Variants in TRIOBP observed in about 807,000 individuals in gnomAD.
The protein encoded by TRIOBP is TRIO and F-actin-binding protein.
A neutral mutation model predicts 238.8 loss-of-function variants in TRIOBP; 169 were observed. The ratio of observed to expected loss-of-function variants is 0.71; its 90% confidence interval spans 0.62 to 0.80. TRIOBP has a LOEUF of 0.80. Among genes scored for constraint, TRIOBP ranks in the 30% least tolerant of loss-of-function variants. The probability of loss-of-function intolerance (pLI) is 0.00; values close to 1 mark genes in which losing one functional copy is unlikely to be tolerated. For missense variants in TRIOBP, 2,838 were observed against 3,122.6 expected (o/e 0.91, Z 2.17); for synonymous variants, 1,150 against 1,274.4 (o/e 0.90, Z 2.08).
intron 11 of TRIOBP, 166 bp from the exon 12 acceptor site, chr22:37,751,606 C>A: frequency 1.4e-6 from 1 of 698,930 alleles, no homozygotes; most frequent in Non-Finnish European, 2.5e-6. Flanking sequence ...GGCTGGGAGG[C>A]CTGCTTGGAC....
intron 17 of TRIOBP, among the ~76,000 whole-genome samples, chr22:37,765,282 A>G (rs190316651): frequency 1.3e-5 from 2 of 150,582 alleles, no homozygotes; most frequent in Admixed American, 1.4e-4. Flanking sequence ...TCTGTCTCAA[A>G]AACAAAAACA....
chr22:37,740,895 G>A lies in TRIOBP; in HGVS notation c.5185G>A (p.Ala1729Thr). 1 of 1,571,716 alleles carries A rather than the reference G, an allele frequency of 6.4e-7. No individual in the cohort carries two copies. The highest frequency in any genetic ancestry group is 1.9e-5 in the Admixed American group (1 of 52,366). ...PLTDQKQADS[A>T]DKRPAEGKAG... ...GCCAACACTGGACCCTGTTTGACAGGCAGACAAGAGGCCAGCAGAGGGCAA... is the reference window on the plus strand; with the variant it reads ...GCCAACACTGGACCCTGTTTGACAGACAGACAAGAGGCCAGCAGAGGGCAA... The change falls in exon 11 of 24, where the codon GCA becomes ACA. Residue 1729 changes from alanine to threonine, a missense_variant and splice_region_variant. By Grantham distance (58) the Ala-to-Thr change is moderately conservative (BLOSUM62 0). This residue lies in a region of TRIOBP where 2,096 missense variants were observed against 2,137.4 expected (regional missense o/e 0.98). Transcript: ENST00000644935.
Position 37,734,911 on chromosome 22 carries a change from C to T in TRIOBP, c.4575C>T (p.Ser1525=). Residue 1525 remains serine (S), a synonymous_variant, in exon 9 of 24, where the codon TCC becomes TCT. Coordinates refer to ENST00000644935, the MANE Select transcript of TRIOBP (RefSeq NM_001039141.3). ...AGAACTGGGGAGGCCCCGCAGAGTCCTCACAATCCTGGCACTCTGGGACAC... is the reference window on the plus strand; with the variant it reads ...AGAACTGGGGAGGCCCCGCAGAGTCTTCACAATCCTGGCACTCTGGGACAC... ...PPENWGGPAE[S]SQSWHSGTPT... The T allele has an allele frequency of 6.2e-7, 1 of 1,613,310 alleles. No homozygotes were observed. The highest frequency in any genetic ancestry group is 8.5e-7 in the Non-Finnish European group (1 of 1,180,006).
intron 2 of TRIOBP, 125 bp from the exon 3 acceptor site, chr22:37,701,181 C>T: frequency 1.7e-6 from 1 of 588,066 alleles, no homozygotes; most frequent in South Asian, 1.8e-5. Context: ...GAACAGGAAC[C>T]CAAAGGAATG....
In TRIOBP at chr22:37,715,623, G is replaced by A. The variant is rs1045650413; in HGVS notation, c.457-140G>A. 4.2e-5 allele frequency: 40 copies of A among 961,496 alleles called. 1 individual carries two copies. The highest frequency in any genetic ancestry group is 3.4e-4 in the South Asian group (24 of 70,154). 59.6% of individuals were successfully genotyped at this position (961,496 alleles called of 1,614,324 possible). ...CTCCCAAAGTGCTGGGATTGCAGGC[G>A]TGAGCCACAGCGCCTGGCCAGGGAA... is the stretch of plus-strand genomic sequence containing the variant. On this transcript the variant is annotated intron_variant, in intron 5 of 23. Transcript: ENST00000644935.
chr22:37,772,295 C>G (rs981601439), intron 22 of TRIOBP, among the ~76,000 whole-genome samples: 4 of 152,198 alleles, frequency 2.6e-5, no homozygotes, highest in Non-Finnish European at 5.9e-5. Context: ...CGTGAACTCA[C>G]AGGAAGGGCC....
chr22:37,738,019 C>G (rs1924755577), intron 9 of TRIOBP, among the ~76,000 whole-genome samples: 3 of 152,200 alleles, frequency 2.0e-5, no homozygotes, highest in South Asian at 4.1e-4. Flanking sequence ...AACTCTAGCT[C>G]TGGCCCAGGG....
At chr22:37,770,776 G>A (rs941947698) in intron 21 of TRIOBP, among the ~76,000 whole-genome samples, 2 of 149,406 alleles carry the variant, frequency 1.3e-5, no homozygotes, top group African/African-American at 2.5e-5. Context: ...TCCGCCTCTC[G>A]GGTTCATGCC....
chr22:37,772,712 A>G lies in TRIOBP; in HGVS notation c.7048A>G (p.Met2350Val), dbSNP rs760196218. Reference sequence around the variant, plus strand: ...GCTGAAGGAGCACCTGCGTCTTGCCATGGCCGCCCTCCAGGAGAAGGAGTC... The same window carrying G: ...GCTGAAGGAGCACCTGCGTCTTGCCGTGGCCGCCCTCCAGGAGAAGGAGTC... ...EQLKEHLRLA[M>V]AALQEKESMR... The change falls in exon 23 of 24, where the codon ATG becomes GTG. Residue 2350 changes from methionine (M) to valine (V), a missense_variant. By Grantham distance (21) the Met-to-Val change is conservative. Transcript: ENST00000644935. 3.7e-6 allele frequency: 6 copies of G among 1,614,056 alleles called. No individual in the cohort carries two copies. The highest frequency in any genetic ancestry group is 4.2e-6 in the Non-Finnish European group (5 of 1,180,022).
At position 37,743,850 on chromosome 22, in the gene TRIOBP, G is replaced by C. The variant is rs998733577; in HGVS notation, c.5322+2818G>C. Among the ~76,000 whole-genome samples the C allele has an allele frequency of 4.4e-5, 3 of 68,266 alleles. No individual in the cohort carries two copies. The Admixed American group carries it at 5.8e-4, about 13-fold the overall frequency. The allele number at this position is 68,266 out of a possible 152,430, so 44.8% of individuals were successfully genotyped here. A position where few individuals can be genotyped will look rare whatever the true frequency, so the allele number is the denominator to read the frequency against. On this transcript the variant is annotated intron_variant, in intron 11 of 23. Transcript: ENST00000644935. ...GTGTGTGTGTGTGTGTGTGTGCTGGGTGTGTGTGAGTGTGTGCTGGGTGTG... is the reference window on the plus strand; with the variant it reads ...GTGTGTGTGTGTGTGTGTGTGCTGGCTGTGTGTGAGTGTGTGCTGGGTGTG...
chr22:37,724,997 A>C lies in TRIOBP; in HGVS notation c.2441A>C (p.Asn814Thr), dbSNP rs370107127. The change falls in exon 7 of 24, where the codon AAC becomes ACC. Residue 814 changes from asparagine to threonine, a missense_variant. Physicochemically the swap from Asn to Thr is moderately conservative, Grantham distance 65. Around this residue, in one of 5 missense-constraint regions of TRIOBP, gnomAD observed 2,096 missense variants for 2,137.4 expected, o/e 0.98. Coordinates refer to ENST00000644935, the MANE Select transcript of TRIOBP (RefSeq NM_001039141.3). ...SSPIRATQQD[N>T]PRTCIQQNIP... is the part of the protein sequence containing the mutation. ...CCCATCAGAGCCACCCAACAGGACAACCCCAGAACTTGTATTCAACAGAAC... is the reference window on the plus strand; with the variant it reads ...CCCATCAGAGCCACCCAACAGGACACCCCCAGAACTTGTATTCAACAGAAC... 47 of 1,613,868 alleles carry C rather than the reference A, an allele frequency of 2.9e-5. No individual in the cohort carries two copies. The highest frequency in any genetic ancestry group is 3.7e-5 in the Non-Finnish European group (44 of 1,179,932).
chr22:37,759,517 G>A, intron 17 of TRIOBP: 3 of 1,607,498 alleles, frequency 1.9e-6, no homozygotes, highest in South Asian at 2.2e-5. Context: ...GGTCTCAAAG[G>A]TGGGATTTGA....
intron 18 of TRIOBP, 93 bp downstream of exon 18, chr22:37,765,910 G>GA: frequency 1.4e-6 from 2 of 1,454,532 alleles, no homozygotes; most frequent in South Asian, 2.7e-5. Context: ...TATCAAATAA[G>GA]ATGTAGGGGT....
chr22:37,705,524 T>C (rs184130747), intron 3 of TRIOBP, among the ~76,000 whole-genome samples: 6 of 152,186 alleles, frequency 3.9e-5, no homozygotes, highest in Admixed American at 3.9e-4. Context: ...ACTGGCCTTG[T>C]GCGGCTTTGT....
At chr22:37,765,906 A>G (rs1926471443) in intron 18 of TRIOBP, 89 bp downstream of exon 18, 2 of 1,471,026 alleles carry the variant, frequency 1.4e-6, no homozygotes, top group South Asian at 1.3e-5. Context: ...ATTTTATCAA[A>G]TAAGATGTAG....
At chr22:37,770,196 TG>T (rs969474722) in intron 21 of TRIOBP, among the ~76,000 whole-genome samples, 6 of 142,870 alleles carry the variant, frequency 4.2e-5, no homozygotes, top group Admixed American at 6.9e-5. Context: ...CCCAGCACTT[TG>T]GGAGGCCGAG....
Position 37,757,904 on chromosome 22 carries a change from A to G in TRIOBP, c.5979A>G (p.Thr1993=), listed in dbSNP as rs1926025033. 2 of 1,553,516 alleles carry G rather than the reference A, an allele frequency of 1.3e-6. No homozygotes were observed. The highest frequency in any genetic ancestry group is 1.7e-6 in the Non-Finnish European group (2 of 1,148,794). The change falls in exon 16 of 24, where the codon ACA becomes ACG. Residue 1993 remains threonine (T), a synonymous_variant. Coordinates refer to ENST00000644935, the MANE Select transcript of TRIOBP (RefSeq NM_001039141.3). The stretch of plus-strand genomic sequence containing the variant: ...AGCGGCGCAAGTGGTTTGAGGCCAC[A>G]GACAGCAGGACCCCAGAGGTGCCTG... ...SEERRKWFEA[T]DSRTPEVPAG...
In TRIOBP at chr22:37,772,685, C is replaced by T; in HGVS notation, c.7021C>T (p.Gln2341Ter). ...GACACGGTCTGAGCGGGAGATCGAGCAGCTGAAGGAGCACCTGCGTCTTGC... is the reference window on the plus strand; with the variant it reads ...GACACGGTCTGAGCGGGAGATCGAGTAGCTGAAGGAGCACCTGCGTCTTGC... ...IKTRSEREIE[Q>*]LKEHLRLAMA... The change falls in exon 23 of 24, where the codon CAG becomes TAG. Residue 2341 changes from glutamine (Q) to a stop codon, truncating the protein, a stop_gained. Transcript: ENST00000644935. LOFTEE classifies it high-confidence loss of function. 6.2e-7 allele frequency: 1 copy of T among 1,614,138 alleles called. No homozygotes were observed. The highest frequency in any genetic ancestry group is 8.5e-7 in the Non-Finnish European group (1 of 1,180,026).
chr22:37,751,596 G>A, intron 11 of TRIOBP, 176 bp from the exon 12 acceptor site: 1 of 676,552 alleles, frequency 1.5e-6, no homozygotes, highest in Non-Finnish European at 2.6e-6. Flanking sequence ...CTGCCTCAGT[G>A]GCTGGGAGGC....
Sources: gnomAD v4.1 joint callset for allele counts (sites outside exome capture counted in the v4.1 genomes callset) on GRCh38, gnomAD v4.1.1 for gene constraint, gnomAD v4.1.1 regional missense constraint, MANE v1.5 for transcripts, NCBI Gene and HGNC (gene_info 2026-07-23, HGNC 2026-07-21) for gene names.